The following AGAP1 variants were observed in gnomAD, a reference collection of about 807,000 sequenced individuals.
AGAP1 encodes the protein ArfGAP with GTPase domain, ankyrin repeat and PH domain 1.
A neutral mutation model predicts 105.3 loss-of-function variants in AGAP1; 29 were observed. The ratio of observed to expected loss-of-function variants is 0.28; its 90% CI spans 0.21 to 0.38. The LOEUF is 0.38. Among genes scored for constraint, AGAP1 ranks in the 10% least tolerant of loss-of-function variants. The pLI, the probability that AGAP1 is intolerant of heterozygous loss-of-function variation, is 1.00. For synonymous variants in AGAP1, 509 were observed against 485.9 expected, an observed-to-expected ratio of 1.05 and a Z score of -0.63; for missense variants, 998 against 1,165.1, an observed-to-expected ratio of 0.86 and a Z score of 2.09.
At chr2:235,509,047 C>T (rs1021234113) in intron 1 of AGAP1, among the ~76,000 whole-genome samples, 1 of 152,194 alleles carries the variant, frequency 6.6e-6, no homozygotes, top group Admixed American at 6.5e-5. Flanking sequence ...GGTGTGTGCT[C>T]ACCTGCAGCC....
rs1360562116 is a variant in AGAP1 at position 235,937,764 on chromosome 2, G to A, written c.1483+6841G>A. Among the ~76,000 whole-genome samples the A allele has an allele frequency of 3.3e-5, 5 of 152,194 alleles. No homozygotes were observed. In the East Asian group the frequency reaches 7.7e-4, roughly 24 times the overall value. On this transcript the variant is annotated intron_variant, in intron 12 of 17. Transcript: ENST00000304032. ...GCATTTTTGGTTGTCACATAGGGGA[G>A]GGTGATGCTACTGGAAGCTAGTGGG...
rs959605979 is a variant in AGAP1, at chr2:235,865,253, G to A, written c.1051-18092G>A. 6.6e-6 allele frequency among the ~76,000 whole-genome samples: 1 copy of A among 152,128 alleles called. No individual in the cohort carries two copies. The highest frequency in any genetic ancestry group is 1.5e-5 in the Non-Finnish European group (1 of 68,040). Reference sequence around the variant, plus strand: ...TTAGCTCCTGGCCGAATCCAGTCCCGGCCGGCGCTTTGAAGCCTGTGCTGT... The same window carrying A: ...TTAGCTCCTGGCCGAATCCAGTCCCAGCCGGCGCTTTGAAGCCTGTGCTGT... On this transcript the variant is annotated intron_variant, in intron 9 of 17. Coordinates refer to ENST00000304032, the MANE Select transcript of AGAP1 (RefSeq NM_001037131.3). This position sits in a 1 kb window ranked among gnomAD's most constrained non-coding sequence, Gnocchi z 6.2.
In AGAP1 at chr2:236,012,053, A is replaced by C. The variant is rs1485764111; in HGVS notation, c.1646-24508A>C. The stretch of plus-strand genomic sequence containing the variant: ...AATCAATGCCCCCGGAGACCGATGC[A>C]CATATCAGGACCTTGGTATCAGCTA... On this transcript the variant is annotated intron_variant, in intron 13 of 17. Coordinates refer to ENST00000304032, the MANE Select transcript of AGAP1 (RefSeq NM_001037131.3). The surrounding 1 kb of genome is among the most constrained non-coding windows in gnomAD (Gnocchi z 4.9). Among the ~76,000 whole-genome samples the C allele has an allele frequency of 6.6e-6, 1 of 152,190 alleles. No homozygotes were observed.
chr2:236,117,869 G>C (rs573949208), intron 16 of AGAP1, among the ~76,000 whole-genome samples: 39 of 152,044 alleles, frequency 2.6e-4, no homozygotes, highest in Non-Finnish European at 5.4e-4. Context: ...CAGTGCTTTT[G>C]TGCTTGTGTT....
intron 1 of AGAP1, among the ~76,000 whole-genome samples, chr2:235,602,420 G>A (rs1015622749): frequency 6.6e-6 from 1 of 152,106 alleles, no homozygotes; most frequent in Non-Finnish European, 1.5e-5. Context: ...CCCCTGCTTG[G>A]CCTTCTTTCC....
intron 1 of AGAP1, among the ~76,000 whole-genome samples, chr2:235,573,102 TTCC>T (rs58939379): frequency 1.4e-5 from 2 of 140,552 alleles, no homozygotes; most frequent in African/African-American, 2.7e-5. Flanking sequence ...CTTCTTCTTC[TTCC>T]TTTTTTTTTT....
In AGAP1 at chr2:236,095,822, A is replaced by G. The variant is rs2059178360; in HGVS notation, c.2115-24370A>G. ...AGTCCCTAAGAGCTGGCCAACTTCCACGATCATTATATTTTTGAGTTTTGC... is the reference window on the plus strand; with the variant it reads ...AGTCCCTAAGAGCTGGCCAACTTCCGCGATCATTATATTTTTGAGTTTTGC... On this transcript the variant is annotated intron_variant, in intron 16 of 17. Transcript: ENST00000304032. This position sits in a 1 kb window ranked among gnomAD's most constrained non-coding sequence, Gnocchi z 4.1. 6.6e-6 allele frequency among the ~76,000 whole-genome samples: 1 copy of G among 152,214 alleles called. No individual in the cohort carries two copies. Among genetic ancestry groups the G allele is most frequent in the Non-Finnish European group, 1.5e-5 (1 of 68,032 alleles).
At chr2:235,755,174 C>G (rs936281048) in intron 6 of AGAP1, among the ~76,000 whole-genome samples, 3 of 152,204 alleles carry the variant, frequency 2.0e-5, no homozygotes, top group Non-Finnish European at 4.4e-5. Flanking sequence ...GCACAGGGCT[C>G]TCGTTCCTAG....
At position 235,740,918 on chromosome 2, in the gene AGAP1, C is replaced by T. The variant is rs1435029390; in HGVS notation, c.311-45C>T. On this transcript the variant is annotated intron_variant, in intron 3 of 17. Coordinates refer to ENST00000304032, the MANE Select transcript of AGAP1 (RefSeq NM_001037131.3). This position sits in a 1 kb window ranked among gnomAD's most constrained non-coding sequence, Gnocchi z 5.7. ...AGCCCACGTCTGTCTGCCCTCCTCACTCTCTGTTGTTCTCGTGTAACGAGA... is the reference window on the plus strand; with the variant it reads ...AGCCCACGTCTGTCTGCCCTCCTCATTCTCTGTTGTTCTCGTGTAACGAGA... The T allele has an allele frequency of 6.2e-7, 1 of 1,613,142 alleles. No homozygotes were observed. The highest frequency in any genetic ancestry group is 8.5e-7 in the Non-Finnish European group (1 of 1,179,176).
chr2:235,980,467 C>T (rs929323824), intron 13 of AGAP1, among the ~76,000 whole-genome samples: 3 of 152,088 alleles, frequency 2.0e-5, no homozygotes, highest in African/African-American at 4.8e-5. Flanking sequence ...CCCTTGTTTC[C>T]GTCTAATTTC....
intron 11 of AGAP1, among the ~76,000 whole-genome samples, chr2:235,928,401 C>T (rs1396074561): frequency 1.3e-5 from 2 of 152,178 alleles, no homozygotes; most frequent in Non-Finnish European, 2.9e-5. Flanking sequence ...AACCCATGGG[C>T]CCCAAGGGCC....
chr2:235,896,808 T>C (rs1380993171), intron 10 of AGAP1, among the ~76,000 whole-genome samples: 10 of 152,258 alleles, frequency 6.6e-5, no homozygotes, highest in Admixed American at 5.2e-4. Context: ...GTGACAACTT[T>C]TGTTGGAAAT....
rs68016591 is a variant in AGAP1 at position 235,845,026 on chromosome 2, G to T, written c.1050+37695G>T. Among the ~76,000 whole-genome samples the T allele has an allele frequency of 0.47, 70,996 of 152,030 alleles. 19,132 individuals are homozygous for T. Among genetic ancestry groups the T allele is most frequent in the East Asian group, 0.79 (4,102 of 5,160 alleles). On this transcript the variant is annotated intron_variant, in intron 9 of 17. Transcript: ENST00000304032. This position sits in a 1 kb window ranked among gnomAD's most constrained non-coding sequence, Gnocchi z 4.8. ...TGCTGTTCCTTGTCCCCAGGACCTAGTGGGGTCCCGGCCCAGCAGTGGGGC... is the reference window on the plus strand; with the variant it reads ...TGCTGTTCCTTGTCCCCAGGACCTATTGGGGTCCCGGCCCAGCAGTGGGGC...
rs570847522 is a variant in AGAP1 at position 235,736,949 on chromosome 2, C to T, written c.311-4014C>T. ...AAAATGGTGCAAGTGGTGGTGCCTG[C>T]AGAGTACCAGCTTGTTGCCAACGAT... On this transcript the variant is annotated intron_variant, in intron 3 of 17. Transcript: ENST00000304032. The surrounding 1 kb of genome is among the most constrained non-coding windows in gnomAD (Gnocchi z 5.5). Among the ~76,000 whole-genome samples the T allele has an allele frequency of 6.6e-6, 1 of 152,320 alleles. No homozygotes were observed. The highest frequency in any genetic ancestry group is 2.1e-4 in the South Asian group (1 of 4,830).
rs528140144 is a variant in AGAP1, at chr2:236,046,227, G to A, written c.1892-2832G>A. 3.3e-5 allele frequency among the ~76,000 whole-genome samples: 5 copies of A among 152,166 alleles called. No homozygotes were observed. Among genetic ancestry groups the A allele is most frequent in the Admixed American group, 3.3e-4 (5 of 15,282 alleles). ...TGTCAGAGCACTCCCCACAGCACTC[G>A]GTGATGGGCTGGATGCTGGGACATA... On this transcript the variant is annotated intron_variant, in intron 15 of 17. Transcript: ENST00000304032. The surrounding 1 kb of genome is among the most constrained non-coding windows in gnomAD (Gnocchi z 5.2).
chr2:235,516,516 C>G (rs1016901728), intron 1 of AGAP1, among the ~76,000 whole-genome samples: 1 of 152,174 alleles, frequency 6.6e-6, no homozygotes, highest in East Asian at 1.9e-4. Flanking sequence ...TTTGGAGCCT[C>G]TGTTTCCTCT....
chr2:235,614,316 C>T lies in AGAP1; in HGVS notation c.164-94863C>T, dbSNP rs1459020388. Among the ~76,000 whole-genome samples, 1 of 152,014 alleles carries T rather than the reference C, an allele frequency of 6.6e-6. No homozygotes were observed. The highest frequency in any genetic ancestry group is 6.6e-5 in the Admixed American group (1 of 15,234). ...GAGCGTGTATAACAAAAGTGGGATCCGGAAAGGGCTGCTGGCGAGTGGGAG... is the reference window on the plus strand; with the variant it reads ...GAGCGTGTATAACAAAAGTGGGATCTGGAAAGGGCTGCTGGCGAGTGGGAG... On this transcript the variant is annotated intron_variant, in intron 1 of 17. Transcript: ENST00000304032. The surrounding 1 kb of genome is among the most constrained non-coding windows in gnomAD (Gnocchi z 4.7).
chr2:236,071,959 T>G (rs1049867498), intron 16 of AGAP1, among the ~76,000 whole-genome samples: 9 of 152,176 alleles, frequency 5.9e-5, no homozygotes, highest in African/African-American at 2.2e-4. Flanking sequence ...AACTTAAAAT[T>G]GTCCAAAGAC....
Position 235,962,475 on chromosome 2 carries a change from G to A in AGAP1, c.1484-5987G>A, listed in dbSNP as rs886977777. 1.3e-5 allele frequency among the ~76,000 whole-genome samples: 2 copies of A among 152,144 alleles called. No homozygotes were observed. Among genetic ancestry groups the A allele is most frequent in the Non-Finnish European group, 2.9e-5 (2 of 68,032 alleles). On this transcript the variant is annotated intron_variant, in intron 12 of 17. Coordinates refer to ENST00000304032, the MANE Select transcript of AGAP1 (RefSeq NM_001037131.3). The surrounding 1 kb of genome is among the most constrained non-coding windows in gnomAD (Gnocchi z 5.3). ...GAGCGGGTTGGACGTCAGATGGCAT[G>A]GAACTCAGGGCATAGAGGAGCCACG...
Sources: gnomAD v4.1 joint callset for allele counts (sites outside exome capture counted in the v4.1 genomes callset) on GRCh38, gnomAD v4.1.1 for gene constraint, Gnocchi (gnomAD v3.1) non-coding constraint, MANE v1.5 for transcripts, NCBI Gene and HGNC (gene_info 2026-07-23, HGNC 2026-07-21) for gene names.